CENPK: variants seen among roughly 807,000 people sequenced by gnomAD.
CENPK encodes the protein SoxLZ/Sox6-binding protein Solt.
In CENPK, 46 loss-of-function variants were observed where a neutral mutation model predicts 40.9. That is an observed-to-expected ratio of 1.13 (90% CI 0.89 to 1.44). The LOEUF (loss-of-function observed/expected upper bound fraction) is 1.44, where lower values mean the gene tolerates loss of function less well. CENPK is among the 40% of genes most tolerant of loss of function. The probability of loss-of-function intolerance (pLI) is 0.00; values close to 1 mark genes in which losing one functional copy is unlikely to be tolerated. For missense variants in CENPK, 288 were observed against 303.5 expected, an observed-to-expected ratio of 0.95 and a Z score of 0.38; for synonymous variants, 107 against 104.4, an observed-to-expected ratio of 1.02 and a Z score of -0.15.
At chr5:65,538,690 G>A (rs984909759) in intron 6 of CENPK, among the ~76,000 whole-genome samples, 7 of 152,148 alleles carry the variant, frequency 4.6e-5, no homozygotes, top group Non-Finnish European at 1.0e-4. Context: ...ACACCATGCA[G>A]AATAAAAATG....
At chr5:65,515,090 T>C (rs1742767817), downstream of CENPK, among the ~76,000 whole-genome samples, 1 of 152,152 alleles carries the variant, frequency 6.6e-6, no homozygotes, top group Non-Finnish European at 1.5e-5. Context: ...AATTTGCTTT[T>C]TCTAATTTCC....
rs1392694126 is a variant in CENPK at position 65,541,515 on chromosome 5, C to T, written c.288+1287G>A. 1.8e-5 allele frequency: 8 copies of T among 447,794 alleles called. No homozygotes were observed. In the East Asian group the frequency reaches 2.8e-4, roughly 16 times the overall value. The allele number at this position is 447,794 out of a possible 1,614,324, so 27.7% of individuals were successfully genotyped here. A position where few individuals can be genotyped will look rare whatever the true frequency, so the allele number is the denominator to read the frequency against. ...GGTGCTACGTTGTATTGAGTGGTGA[C>T]GGAGACTAGGAAAAACACTTTGTTT... On this transcript the variant is annotated intron_variant, in intron 6 of 10. Coordinates refer to ENST00000396679, the MANE Select transcript of CENPK (RefSeq NM_022145.5).
chr5:65,500,607 C>A, the CENPK span, among the ~76,000 whole-genome samples: 1 of 151,990 alleles, frequency 6.6e-6, no homozygotes, highest in East Asian at 1.9e-4. Flanking sequence ...TTGATTTCAT[C>A]ATATTTTGTC....
chr5:65,559,839 A>C (rs546198184), intron 2 of CENPK, among the ~76,000 whole-genome samples: 1 of 152,230 alleles, frequency 6.6e-6, no homozygotes, highest in African/African-American at 2.4e-5. Context: ...GACACATGAC[A>C]GAGATGACAA....
chr5:65,540,608 G>A (rs1164302341), intron 6 of CENPK, among the ~76,000 whole-genome samples: 1 of 152,070 alleles, frequency 6.6e-6, no homozygotes, highest in Non-Finnish European at 1.5e-5. Flanking sequence ...GGTCATCAAT[G>A]GCAAATGACT....
chr5:65,525,115 T>C (rs1744447623), intron 9 of CENPK, among the ~76,000 whole-genome samples: 1 of 152,134 alleles, frequency 6.6e-6, no homozygotes, highest in Admixed American at 6.6e-5. Context: ...TCCCAGCACT[T>C]TGGGAGGCTG....
At chr5:65,528,866 C>T in intron 8 of CENPK, 53 bp downstream of exon 8, 1 of 1,178,714 alleles carries the variant, frequency 8.5e-7, no homozygotes, top group Non-Finnish European at 1.2e-6. Flanking sequence ...TCATGTAACA[C>T]AAAAAATAAA....
chr5:65,509,828 T>TGATAATTTTCACATTTC, the CENPK span, among the ~76,000 whole-genome samples: 1 of 152,266 alleles, frequency 6.6e-6, no homozygotes, highest in East Asian at 1.9e-4. Flanking sequence ...TGTAACATTT[T>TGATAATTTTCACATTTC]GATAATTTTC....
chr5:65,523,656 T>C (rs999222875), intron 9 of CENPK, among the ~76,000 whole-genome samples: 1 of 152,120 alleles, frequency 6.6e-6, no homozygotes, highest in African/African-American at 2.4e-5. Context: ...TTATAAAGAC[T>C]TGAGACAAAC....
intron 6 of CENPK, among the ~76,000 whole-genome samples, chr5:65,537,324 A>C (rs1316435267): frequency 6.6e-6 from 1 of 151,944 alleles, no homozygotes; most frequent in Non-Finnish European, 1.5e-5. Context: ...TTTTTTTTTG[A>C]GACGGAGTCT....
intron 4 of CENPK, among the ~76,000 whole-genome samples, chr5:65,551,883 AAT>A (rs1750129025): frequency 1.3e-5 from 2 of 152,180 alleles, no homozygotes; most frequent in South Asian, 4.1e-4. Flanking sequence ...CCAAGAGTAA[AAT>A]CAATTCAGAT....
At chr5:65,514,138 CTATGT>C (rs1742684714), downstream of CENPK, among the ~76,000 whole-genome samples, 2 of 147,750 alleles carry the variant, frequency 1.4e-5, no homozygotes, top group African/African-American at 5.0e-5. Context: ...ATTTTTACAG[CTATGT>C]TCATGAGAGA....
At chr5:65,530,313 A>T (rs1745553282) in intron 6 of CENPK, among the ~76,000 whole-genome samples, 1 of 152,220 alleles carries the variant, frequency 6.6e-6, no homozygotes, top group South Asian at 2.1e-4. Context: ...AGAAAAAAAA[A>T]ATCAAAATAA....
In CENPK at chr5:65,518,208, T is replaced by C. The variant is rs998061561; in HGVS notation, c.*267A>G. ...AACAAAGAATCCAAAGAATATTGCA[T>C]GAGGTAAGGTACATTAAATGTTTTA... On this transcript the variant is annotated 3_prime_UTR_variant, in exon 11 of 11. Transcript: ENST00000396679. 7.8e-5 allele frequency: 19 copies of C among 243,088 alleles called. No individual in the cohort carries two copies. The Middle Eastern group carries it at 5.4e-3, about 69-fold the overall frequency. The allele number at this position is 243,088 out of a possible 1,614,324, so 15.1% of individuals were successfully genotyped here.
At chr5:65,553,085 A>G (rs1581083146) in intron 3 of CENPK, among the ~76,000 whole-genome samples, 1 of 151,968 alleles carries the variant, frequency 6.6e-6, no homozygotes, top group Admixed American at 6.5e-5. Flanking sequence ...TTCTATACTG[A>G]AAAAATACCT....
At chr5:65,512,788 A>G (rs1322677716), downstream of CENPK, among the ~76,000 whole-genome samples, 6 of 152,130 alleles carry the variant, frequency 3.9e-5, no homozygotes, top group African/African-American at 1.4e-4. Flanking sequence ...TTTGTAAAAA[A>G]CCGTCAAACC....
At chr5:65,544,210 G>T (rs1748494087) in intron 5 of CENPK, among the ~76,000 whole-genome samples, 1 of 152,096 alleles carries the variant, frequency 6.6e-6, no homozygotes, top group East Asian at 1.9e-4. Flanking sequence ...CATAGTGGAA[G>T]GCAAAAGGGG....
At chr5:65,513,087 A>G (rs765490568), downstream of CENPK, among the ~76,000 whole-genome samples, 2 of 152,198 alleles carry the variant, frequency 1.3e-5, no homozygotes, top group Non-Finnish European at 2.9e-5. Context: ...TTTATCAGAT[A>G]TATTTTGCAA....
intron 1 of CENPK, among the ~76,000 whole-genome samples, chr5:65,562,126 G>C (rs2150574888): frequency 6.6e-6 from 1 of 152,128 alleles, no homozygotes; most frequent in East Asian, 1.9e-4. Flanking sequence ...CCATAATAAT[G>C]CTTAATAAAT....
Sources: gnomAD v4.1 joint callset for allele counts (sites outside exome capture counted in the v4.1 genomes callset) on GRCh38, gnomAD v4.1.1 for gene constraint, MANE v1.5 for transcripts, NCBI Gene and HGNC (gene_info 2026-07-23, HGNC 2026-07-21) for gene names.